Variants in SMG6 observed in about 807,000 individuals in gnomAD.
SMG6 encodes the protein telomerase-binding protein EST1A.
SMG6 carries 66 observed loss-of-function variants against 142.2 expected under a neutral mutation model. The ratio of observed to expected loss-of-function variants is 0.46; its 90% CI spans 0.38 to 0.57. SMG6 has a LOEUF of 0.57. Among genes scored for constraint, SMG6 ranks in the 20% least tolerant of loss-of-function variants. The pLI, the probability that SMG6 is intolerant of heterozygous loss-of-function variation, is 0.00. For missense variants in SMG6, 1,793 were observed against 1,832.0 expected, an observed-to-expected ratio of 0.98 and a Z score of 0.39; for synonymous variants, 779 against 702.4, an observed-to-expected ratio of 1.11 and a Z score of -1.72.
At chr17:2,301,889 A>AG (rs2075286474) in intron 1 of SMG6, among the ~76,000 whole-genome samples, 1 of 152,204 alleles carries the variant, frequency 6.6e-6, no homozygotes. Context: ...AGTAACCACT[A>AG]AACATTACAA....
At chr17:2,196,835 C>T (rs1046343147) in intron 10 of SMG6, among the ~76,000 whole-genome samples, 8 of 152,042 alleles carry the variant, frequency 5.3e-5, no homozygotes, top group Non-Finnish European at 1.2e-4. Context: ...TTGAGACTAA[C>T]GTAAACAACA....
At chr17:2,104,151 C>T (rs1191303585) in intron 13 of SMG6, among the ~76,000 whole-genome samples, 2 of 152,008 alleles carry the variant, frequency 1.3e-5, no homozygotes, top group Non-Finnish European at 2.9e-5. Context: ...CGGGGTTTCA[C>T]CATGTTAGCC....
At chr17:2,221,455 A>C (rs1168756129) in intron 10 of SMG6, among the ~76,000 whole-genome samples, 2 of 152,192 alleles carry the variant, frequency 1.3e-5, no homozygotes, top group South Asian at 4.1e-4. Flanking sequence ...TTTCCTGTAC[A>C]GCCTGTGGAA....
rs375417133 is a variant in SMG6, at chr17:2,139,425, C to CTTT, written c.3357+33230_3357+33232dup. Among the ~76,000 whole-genome samples the CTTT allele has an allele frequency of 1.0e-4, 14 of 139,246 alleles. 1 individual carries two copies. The highest frequency in any genetic ancestry group is 1.2e-4 in the Non-Finnish European group (8 of 64,862). The allele number at this position is 139,246 out of a possible 152,430, so 91.4% of individuals were successfully genotyped here. ...CTTATGGAAAAGTGCCTGCTTTTTT[C>CTTT]TTTTTTTTTTTTTTGAGATGGAGTC... is the stretch of plus-strand genomic sequence containing the variant. On this transcript the variant is annotated intron_variant, in intron 13 of 18. Transcript: ENST00000263073.
Position 2,085,952 on chromosome 17 carries a change from T to C in SMG6, c.3358-51A>G. 3 of 1,579,718 alleles carry C rather than the reference T, an allele frequency of 1.9e-6. No homozygotes were observed. The South Asian group carries it at 3.3e-5, about 18-fold the overall frequency. ...AAACAGCATTTTCTGAAAGGGAAGA[T>C]GGAGACGAGATGTTGCTTGCCGGCT... is the stretch of plus-strand genomic sequence containing the variant. On this transcript the variant is annotated intron_variant, in intron 13 of 18. Transcript: ENST00000263073. The surrounding 1 kb of genome is among the most constrained non-coding windows in gnomAD (Gnocchi z 4.1).
intron 16 of SMG6, among the ~76,000 whole-genome samples, 158 bp from the exon 17 acceptor site, chr17:2,065,837 G>A (rs2067927557): frequency 6.6e-6 from 1 of 152,230 alleles, no homozygotes; most frequent in Non-Finnish European, 1.5e-5. Flanking sequence ...GGGAGCTTGT[G>A]GGGGCAAGAA....
chr17:2,165,373 C>A (rs1269367416), intron 13 of SMG6, among the ~76,000 whole-genome samples: 1 of 152,166 alleles, frequency 6.6e-6, no homozygotes, highest in Non-Finnish European at 1.5e-5. Flanking sequence ...AAAATAAATT[C>A]ATTTATTGAC....
chr17:2,173,078 G>A, intron 12 of SMG6: 1 of 568,668 alleles, frequency 1.8e-6, no homozygotes, highest in Non-Finnish European at 3.1e-6. Flanking sequence ...AATTGATTAG[G>A]GGGAGTTTTT....
intron 13 of SMG6, among the ~76,000 whole-genome samples, chr17:2,104,165 A>G (rs573052555): frequency 1.3e-5 from 2 of 151,860 alleles, no homozygotes; most frequent in South Asian, 2.1e-4. Flanking sequence ...GTTAGCCAGG[A>G]TGGTCTTGAT....
intron 13 of SMG6, among the ~76,000 whole-genome samples, chr17:2,107,711 AG>A (rs2069192590): frequency 6.6e-6 from 1 of 152,150 alleles, no homozygotes; most frequent in African/African-American, 2.4e-5. Context: ...GAAGAGGGTG[AG>A]GATGTGGAAA....
chr17:2,075,162 C>T lies in SMG6; in HGVS notation c.3682-6231G>A, dbSNP rs577465199. Reference sequence around the variant, plus strand: ...GGCCTGAGTGTCTGCCTTCCGCCAGCTTCCATACAGGTGTGGGGGGCTCTG... The same window carrying T: ...GGCCTGAGTGTCTGCCTTCCGCCAGTTTCCATACAGGTGTGGGGGGCTCTG... On this transcript the variant is annotated intron_variant, in intron 15 of 18. Transcript: ENST00000263073. Among the ~76,000 whole-genome samples the T allele has an allele frequency of 1.0e-3, 152 of 152,342 alleles. 2 individuals are homozygous for T. The highest frequency in any genetic ancestry group is 2.9e-3 in the South Asian group (14 of 4,832).
chr17:2,295,968 C>G (rs2075134367), intron 4 of SMG6, among the ~76,000 whole-genome samples: 1 of 152,178 alleles, frequency 6.6e-6, no homozygotes, highest in African/African-American at 2.4e-5. Flanking sequence ...AATCTGTCTT[C>G]TCTTTCCCAT....
At chr17:2,128,552 C>T (rs925015166) in intron 13 of SMG6, among the ~76,000 whole-genome samples, 1 of 152,098 alleles carries the variant, frequency 6.6e-6, no homozygotes, top group Admixed American at 6.6e-5. Flanking sequence ...CACTATCCTG[C>T]CAATTTGTTA....
In SMG6 at chr17:2,061,570, G is replaced by A; in HGVS notation, c.4182C>T (p.Asn1394=). 1 of 1,573,042 alleles carries A rather than the reference G, an allele frequency of 6.4e-7. No homozygotes were observed. Among genetic ancestry groups the A allele is most frequent in the Non-Finnish European group, 8.6e-7 (1 of 1,158,882 alleles). Residue 1394 remains asparagine, a synonymous_variant, in exon 19 of 19, where the codon AAC becomes AAT. Coordinates refer to ENST00000263073, the MANE Select transcript of SMG6 (RefSeq NM_017575.5). ...TCCTTGTGAGCGCCTTCACACGCAG[G>A]TTCCGGTCATCCGTCAACAGCACCA... The part of the protein sequence containing the change: ...REVVLLTDDR[N]LRVKALTRNV...
In SMG6 at chr17:2,139,219, G is replaced by A. The variant is rs962843808; in HGVS notation, c.3357+33439C>T. ...CAATGGGGAAGTTGTGCAAGAAAAG[G>A]CAGAAGAAACAGCCCCCAAATGGGG... On this transcript the variant is annotated intron_variant, in intron 13 of 18. Transcript: ENST00000263073. 6.6e-5 allele frequency among the ~76,000 whole-genome samples: 10 copies of A among 152,292 alleles called. No homozygotes were observed. In the East Asian group the frequency reaches 1.9e-3, roughly 29 times the overall value.
At chr17:2,257,478 A>G (rs1371313420) in intron 8 of SMG6, among the ~76,000 whole-genome samples, 2 of 152,204 alleles carry the variant, frequency 1.3e-5, no homozygotes, top group Non-Finnish European at 2.9e-5. Context: ...TATTTCTGTC[A>G]GGATTTAAGG....
In SMG6 at chr17:2,061,374, T is replaced by C; in HGVS notation, c.*118A>G. 1 of 972,114 alleles carries C rather than the reference T, an allele frequency of 1.0e-6. No homozygotes were observed. The highest frequency in any genetic ancestry group is 1.5e-6 in the Non-Finnish European group (1 of 665,882). The allele number at this position is 972,114 out of a possible 1,614,324, so 60.2% of individuals were successfully genotyped here. A position where few individuals can be genotyped will look rare whatever the true frequency, so the allele number is the denominator to read the frequency against. On this transcript the variant is annotated 3_prime_UTR_variant, in exon 19 of 19. Coordinates refer to ENST00000263073, the MANE Select transcript of SMG6 (RefSeq NM_017575.5). ...GGCCGTGGCGTGGGTTGGAAGAGGA[T>C]GGTTTATTGTCTGGGTGGATTGGTG...
At chr17:2,118,803 G>A (rs1346661447) in intron 13 of SMG6, among the ~76,000 whole-genome samples, 2 of 151,748 alleles carry the variant, frequency 1.3e-5, no homozygotes, top group Admixed American at 6.6e-5. Context: ...TGTCCAAGCT[G>A]GTCTCGAATT....
At chr17:2,122,889 G>C (rs759395859) in intron 13 of SMG6, among the ~76,000 whole-genome samples, 11 of 152,240 alleles carry the variant, frequency 7.2e-5, no homozygotes, top group African/African-American at 1.2e-4. Context: ...TGAGCACAGA[G>C]GGGCCCCTTC....
Sources: allele counts gnomAD v4.1 joint callset (sites outside exome capture counted in the v4.1 genomes callset), GRCh38; gene constraint gnomAD v4.1.1; non-coding constraint Gnocchi (gnomAD v3.1); transcripts MANE v1.5; gene names NCBI Gene and HGNC (gene_info 2026-07-23, HGNC 2026-07-21).